Variants in MAVS observed in about 807,000 individuals in gnomAD.
MAVS encodes mitochondrial antiviral-signaling protein.
In MAVS, 20 loss-of-function variants were observed where a neutral mutation model predicts 30.2. The ratio of observed to expected loss-of-function variants is 0.66; its 90% confidence interval spans 0.47 to 0.96. The LOEUF (loss-of-function observed/expected upper bound fraction) is 0.96. MAVS is among the 40% of genes least tolerant of loss of function. MAVS has a pLI of 0.00. For synonymous variants in MAVS, 278 were observed against 293.9 expected (o/e 0.95, Z 0.55); for missense variants, 624 against 701.1 (o/e 0.89, Z 1.24).
At chr20:3,852,980 A>C (rs1428734514) in intron 1 of MAVS, among the ~76,000 whole-genome samples, 1 of 150,518 alleles carries the variant, frequency 6.6e-6, no homozygotes, top group Non-Finnish European at 1.5e-5. Context: ...CTGGGACTGC[A>C]GGCGCCCGCC....
At chr20:3,852,911 C>G (rs1237177094) in intron 1 of MAVS, among the ~76,000 whole-genome samples, 1 of 146,444 alleles carries the variant, frequency 6.8e-6, no homozygotes, top group Non-Finnish European at 1.5e-5. Flanking sequence ...GTGATCTCGG[C>G]TCACTACAAC....
intron 1 of MAVS, among the ~76,000 whole-genome samples, chr20:3,849,463 C>T (rs1039334210): frequency 3.9e-5 from 6 of 152,210 alleles, no homozygotes; most frequent in Admixed American, 3.3e-4. Flanking sequence ...CCTAGGCCTC[C>T]CAAAGTGCTG....
chr20:3,851,503 C>CA (rs57620434), intron 1 of MAVS, among the ~76,000 whole-genome samples: 184 of 95,350 alleles, frequency 1.9e-3, no homozygotes, highest in South Asian at 6.0e-3. Flanking sequence ...GACTCTGTCT[C>CA]AAAAAAAAAA....
chr20:3,850,589 C>CAA (rs772362750), intron 1 of MAVS, among the ~76,000 whole-genome samples: 2 of 70,962 alleles, frequency 2.8e-5, no homozygotes, highest in Admixed American at 1.7e-4. Flanking sequence ...AACTCCATTT[C>CAA]AAAAAAAAAA....
intron 1 of MAVS, among the ~76,000 whole-genome samples, chr20:3,851,137 A>G (rs947276685): frequency 1.3e-5 from 2 of 152,002 alleles, no homozygotes; most frequent in East Asian, 1.9e-4. Context: ...CCTGGCCAAC[A>G]TTAAAACATA....
chr20:3,851,990 C>CTTTTT (rs770960832), intron 1 of MAVS, among the ~76,000 whole-genome samples: 5 of 80,488 alleles, frequency 6.2e-5, no homozygotes, highest in African/African-American at 5.9e-4. Flanking sequence ...GTGTAGCAGG[C>CTTTTT]TTTTTTTTTT....
In MAVS at chr20:3,870,902, A is replaced by G. The variant is rs1191758211; in HGVS notation, c.*4755A>G. The G allele has an allele frequency of 6.6e-6, 1 of 151,918 alleles. No individual in the cohort carries two copies. The highest frequency in any genetic ancestry group is 6.6e-5 in the Admixed American group (1 of 15,236). The allele number at this position is 151,918 out of a possible 1,614,324, so 9.4% of individuals were successfully genotyped here. A position where few individuals can be genotyped will look rare whatever the true frequency, so the allele number is the denominator to read the frequency against. On this transcript the variant is annotated 3_prime_UTR_variant, in exon 7 of 7. Coordinates refer to ENST00000428216, the MANE Select transcript of MAVS (RefSeq NM_020746.5). ...TCTGCAGAGGTTCTTTTCTTTTGAG[A>G]CAGAGTGTTGCTCTGTTGCCCAGGC...
intron 1 of MAVS, among the ~76,000 whole-genome samples, chr20:3,848,387 C>T (rs1280124194): frequency 2.0e-5 from 3 of 152,224 alleles, no homozygotes; most frequent in Non-Finnish European, 4.4e-5. Flanking sequence ...GCGTGAGCCA[C>T]CGCGCCCGGC....
rs1427133195 is a variant in MAVS, at chr20:3,871,363, G to A, written c.*5216G>A. On this transcript the variant is annotated 3_prime_UTR_variant, in exon 7 of 7. Coordinates refer to ENST00000428216, the MANE Select transcript of MAVS (RefSeq NM_020746.5). ...GGATGACGTCTCTCACCTTGAACCAGTTCAGAGTTGGAGTAGCGCAGGATC... is the reference window on the plus strand; with the variant it reads ...GGATGACGTCTCTCACCTTGAACCAATTCAGAGTTGGAGTAGCGCAGGATC... The A allele has an allele frequency of 1.3e-5, 2 of 153,866 alleles. No individual in the cohort carries two copies. Among genetic ancestry groups the A allele is most frequent in the African/African-American group, 4.8e-5 (2 of 41,456 alleles). The allele number at this position is 153,866 out of a possible 1,614,324, so 9.5% of individuals were successfully genotyped here. A position where few individuals can be genotyped will look rare whatever the true frequency, so the allele number is the denominator to read the frequency against.
At position 3,861,434 on chromosome 20, in the gene MAVS, G is replaced by A; in HGVS notation, c.395G>A (p.Ser132Asn). ...GCGGCCCACAGCATCCCCTACAACAGCTGCAGAGAGAAGGAGCCAAGTTAC... is the reference window on the plus strand; with the variant it reads ...GCGGCCCACAGCATCCCCTACAACAACTGCAGAGAGAAGGAGCCAAGTTAC... ...PAAAHSIPYN[S>N]CREKEPSYPM... is the part of the protein sequence containing the mutation. The change falls in exon 4 of 7, where the codon AGC becomes AAC. Residue 132 changes from serine (S) to asparagine (N), a missense_variant. Transcript: ENST00000428216. 1 of 1,614,054 alleles carries A rather than the reference G, an allele frequency of 6.2e-7. No individual in the cohort carries two copies. The highest frequency in any genetic ancestry group is 8.5e-7 in the Non-Finnish European group (1 of 1,180,016).
intron 2 of MAVS, among the ~76,000 whole-genome samples, chr20:3,855,040 GCCA>G (rs1486514077): frequency 6.6e-6 from 1 of 152,018 alleles, no homozygotes; most frequent in East Asian, 1.9e-4. Context: ...ACAGGTGCGT[GCCA>G]CCACGCCCAG....
Position 3,861,178 on chromosome 20 carries a change from A to G in MAVS, c.293-154A>G, listed in dbSNP as rs543924627. Among the ~76,000 whole-genome samples, 46 of 151,876 alleles carry G rather than the reference A, an allele frequency of 3.0e-4. 1 individual carries two copies. The highest frequency in any genetic ancestry group is 9.8e-4 in the Admixed American group (15 of 15,254). On this transcript the variant is annotated intron_variant, in intron 3 of 6. Coordinates refer to ENST00000428216, the MANE Select transcript of MAVS (RefSeq NM_020746.5). ...CGGCTAATAATAATGTTGTATTTTT[A>G]GTAGAGATGGGGTTTCACTGTGTTA...
Position 3,871,899 on chromosome 20 carries a change from C to T in MAVS, c.*5752C>T, listed in dbSNP as rs2089958484. The stretch of plus-strand genomic sequence containing the variant: ...TAATAATAAGGGTTACAACTTACTC[C>T]ATACCTTACTGTCTGCCAGGCATTA... On this transcript the variant is annotated 3_prime_UTR_variant, in exon 7 of 7. Coordinates refer to ENST00000428216, the MANE Select transcript of MAVS (RefSeq NM_020746.5). The T allele has an allele frequency of 6.6e-6, 1 of 152,336 alleles. No individual in the cohort carries two copies. The highest frequency in any genetic ancestry group is 1.5e-5 in the Non-Finnish European group (1 of 68,048). 9.4% of individuals were successfully genotyped at this position (152,336 alleles called of 1,614,324 possible).
chr20:3,859,130 T>TCCTCCCTC (rs150692447), intron 3 of MAVS, among the ~76,000 whole-genome samples: 2 of 150,862 alleles, frequency 1.3e-5, no homozygotes, highest in South Asian at 2.1e-4. Context: ...TCCTTGCTTT[T>TCCTCCCTC]CCTCCCTCCC....
chr20:3,852,010 C>CTTTTTTTTTTTTTTTTTTTTTTTT (rs1568531967), intron 1 of MAVS, among the ~76,000 whole-genome samples: 1 of 39,408 alleles, frequency 2.5e-5, no homozygotes, highest in African/African-American at 1.3e-4. Flanking sequence ...TTTTTTTTCC[C>CTTTTTTTTTTTTTTTTTTTTTTTT]CCGAGACGGA....
At chr20:3,857,547 A>C in intron 2 of MAVS, 88 bp from the exon 3 acceptor site, 4 of 1,448,096 alleles carry the variant, frequency 2.8e-6, no homozygotes, top group Non-Finnish European at 2.8e-6. Context: ...CTTTCTTGGC[A>C]CCCCTCCCCC....
At chr20:3,855,348 A>G (rs950277034) in intron 2 of MAVS, among the ~76,000 whole-genome samples, 1 of 151,764 alleles carries the variant, frequency 6.6e-6, no homozygotes, top group South Asian at 2.1e-4. Flanking sequence ...GGAACCTCCT[A>G]TTTCCTTCAT....
intron 3 of MAVS, among the ~76,000 whole-genome samples, chr20:3,859,730 C>T (rs1428406537): frequency 6.6e-6 from 1 of 151,742 alleles, no homozygotes; most frequent in African/African-American, 2.4e-5. Flanking sequence ...ACCCACGAGG[C>T]CCCCCCATAC....
intron 1 of MAVS, among the ~76,000 whole-genome samples, chr20:3,847,246 G>A (rs902729015): frequency 2.6e-5 from 4 of 152,150 alleles, no homozygotes; most frequent in Admixed American, 2.6e-4. Flanking sequence ...TGACGCTAAG[G>A]TGGGGCCGAG....
Sources: allele counts gnomAD v4.1 joint callset (sites outside exome capture counted in the v4.1 genomes callset), GRCh38; gene constraint gnomAD v4.1.1; transcripts MANE v1.5; gene names NCBI Gene and HGNC (gene_info 2026-07-23, HGNC 2026-07-21).